Variants in TCERG1L observed in about 807,000 individuals in gnomAD.
TCERG1L encodes the protein transcription elongation regulator 1 like, also known as transcription elongation regulator 1-like protein.
In TCERG1L, 37 loss-of-function variants were observed where a neutral mutation model predicts 56.3. The observed-to-expected ratio is 0.66, with a 90% confidence interval of 0.51 to 0.87. The LOEUF is 0.87. Among genes scored for constraint, TCERG1L ranks in the 40% least tolerant of loss-of-function variants. The pLI, the probability that TCERG1L is intolerant of heterozygous loss-of-function variation, is 0.00. For missense variants in TCERG1L, 799 were observed against 774.2 expected, an observed-to-expected ratio of 1.03 and a Z score of -0.38; for synonymous variants, 324 against 326.3, an observed-to-expected ratio of 0.99 and a Z score of 0.08.
intron 8 of TCERG1L, among the ~76,000 whole-genome samples, chr10:131,120,099 C>T (rs1159219219): frequency 6.6e-6 from 1 of 152,158 alleles, no homozygotes; most frequent in African/African-American, 2.4e-5. Context: ...CTCTCTTCTC[C>T]CGGTTCTGTC....
intron 8 of TCERG1L, among the ~76,000 whole-genome samples, chr10:131,129,515 A>G (rs1845596707): frequency 6.6e-6 from 1 of 152,328 alleles, no homozygotes; most frequent in Non-Finnish European, 1.5e-5. Flanking sequence ...GCTTTTCCAT[A>G]ATAAAAAGTT....
At chr10:131,249,316 G>A (rs1846079196) in intron 4 of TCERG1L, among the ~76,000 whole-genome samples, 1 of 152,224 alleles carries the variant, frequency 6.6e-6, no homozygotes, top group Non-Finnish European at 1.5e-5. Context: ...GCTCTGGAAA[G>A]CCACCCGGCT....
rs1290918200 is a variant in TCERG1L, at chr10:131,291,461, G to C, written c.670+16750C>G. The stretch of plus-strand genomic sequence containing the variant: ...TTTTTTTTTGAGACGGAGTCTCGCT[G>C]TGTCTCCCAGGTTGGAGTGCAGTGG... On this transcript the variant is annotated intron_variant, in intron 3 of 11. Coordinates refer to ENST00000368642, the MANE Select transcript of TCERG1L (RefSeq NM_174937.4). Among the ~76,000 whole-genome samples the C allele has an allele frequency of 1.6e-4, 15 of 92,680 alleles. No homozygotes were observed. The East Asian group carries it at 2.1e-3, about 13-fold the overall frequency. 60.8% of individuals were successfully genotyped at this position (92,680 alleles called of 152,430 possible).
chr10:131,154,794 G>C (rs1327127526), intron 6 of TCERG1L, among the ~76,000 whole-genome samples: 1 of 152,230 alleles, frequency 6.6e-6, no homozygotes, highest in Non-Finnish European at 1.5e-5. Context: ...TTGAGAAGAA[G>C]GTGCAGATAT....
intron 9 of TCERG1L, among the ~76,000 whole-genome samples, chr10:131,104,682 T>C (rs1160663520): frequency 1.3e-5 from 2 of 152,152 alleles, no homozygotes; most frequent in African/African-American, 2.4e-5. Flanking sequence ...GAAATTATAT[T>C]GGTAAAAATT....
intron 11 of TCERG1L, among the ~76,000 whole-genome samples, chr10:131,097,619 T>C (rs1346178993): frequency 6.6e-6 from 1 of 152,192 alleles, no homozygotes; most frequent in African/African-American, 2.4e-5. Context: ...AGTGCTGGGA[T>C]TATAGGCGTG....
rs377491197 is a variant in TCERG1L at position 131,201,028 on chromosome 10, C to T, written c.857-34143G>A. Among the ~76,000 whole-genome samples, 13 of 152,252 alleles carry T rather than the reference C, an allele frequency of 8.5e-5. No individual in the cohort carries two copies. The East Asian group carries it at 1.4e-3, about 16-fold the overall frequency. On this transcript the variant is annotated intron_variant, in intron 4 of 11. Coordinates refer to ENST00000368642, the MANE Select transcript of TCERG1L (RefSeq NM_174937.4). ...TACAGAATCACGGCGCCATCTTGGACGTGGAGGGCAGCTTTTGTGGTCTCA... is the reference window on the plus strand; with the variant it reads ...TACAGAATCACGGCGCCATCTTGGATGTGGAGGGCAGCTTTTGTGGTCTCA...
At chr10:131,171,192 A>G (rs58228598) in intron 4 of TCERG1L, among the ~76,000 whole-genome samples, 67,897 of 146,814 alleles carry the variant, frequency 0.46, 18,843 homozygotes, top group South Asian at 0.69. Context: ...AAAAAAGAAG[A>G]AAGAAAAAAA....
intron 8 of TCERG1L, among the ~76,000 whole-genome samples, chr10:131,132,432 T>C (rs1048155906): frequency 3.3e-5 from 5 of 152,244 alleles, no homozygotes; most frequent in African/African-American, 1.2e-4. Flanking sequence ...CGTTTCAATG[T>C]TGTTGAAATG....
intron 7 of TCERG1L, among the ~76,000 whole-genome samples, chr10:131,136,558 C>G (rs573080634): frequency 6.6e-6 from 1 of 152,046 alleles, no homozygotes; most frequent in Non-Finnish European, 1.5e-5. Context: ...TACAGTGGTG[C>G]GATCTCGGCT....
At chr10:131,305,370 T>C (rs1419266248) in intron 3 of TCERG1L, among the ~76,000 whole-genome samples, 1 of 152,040 alleles carries the variant, frequency 6.6e-6, no homozygotes. Context: ...TCCAAATTCA[T>C]CCAAATTGTG....
intron 4 of TCERG1L, among the ~76,000 whole-genome samples, chr10:131,228,169 G>A (rs71478076): frequency 0.021 from 1,350 of 65,108 alleles, 1 homozygote; most frequent in Middle Eastern, 0.087. Context: ...TCTCCCCTCC[G>A]GACAGGCATT....
intron 4 of TCERG1L, among the ~76,000 whole-genome samples, chr10:131,227,421 G>A (rs1226329209): frequency 6.6e-6 from 1 of 152,236 alleles, no homozygotes; most frequent in Non-Finnish European, 1.5e-5. Flanking sequence ...GGTCTGGCTG[G>A]TTCCAGGGCA....
chr10:131,263,551 C>CCA (rs1054554063), intron 3 of TCERG1L, among the ~76,000 whole-genome samples: 1 of 152,188 alleles, frequency 6.6e-6, no homozygotes, highest in African/African-American at 2.4e-5. Flanking sequence ...CCACTATGAA[C>CCA]CACAGCCTTG....
rs575288507 is a variant in TCERG1L at position 131,219,149 on chromosome 10, C to T, written c.856+41110G>A. On this transcript the variant is annotated intron_variant, in intron 4 of 11. Coordinates refer to ENST00000368642, the MANE Select transcript of TCERG1L (RefSeq NM_174937.4). ...CCGTCCCGCAGTCATGATGGCCCTC[C>T]CTGGCCTGGCTCTGCCCATGTCTCA... 3.9e-5 allele frequency among the ~76,000 whole-genome samples: 6 copies of T among 152,306 alleles called. No homozygotes were observed. The South Asian group carries it at 1.2e-3, about 32-fold the overall frequency.
At chr10:131,119,068 G>A (rs2133392112) in intron 8 of TCERG1L, among the ~76,000 whole-genome samples, 2 of 152,278 alleles carry the variant, frequency 1.3e-5, no homozygotes, top group Middle Eastern at 6.8e-3. Context: ...ATTTGGAGAG[G>A]AGGTAAGGTG....
chr10:131,116,605 C>A (rs1042418354), intron 9 of TCERG1L, among the ~76,000 whole-genome samples, 194 bp downstream of exon 9: 9 of 152,202 alleles, frequency 5.9e-5, no homozygotes, highest in African/African-American at 2.2e-4. Context: ...GGGAGGCATC[C>A]CTCAGGCCCT....
At chr10:131,213,664 C>T (rs528253105) in intron 4 of TCERG1L, among the ~76,000 whole-genome samples, 2 of 152,320 alleles carry the variant, frequency 1.3e-5, no homozygotes, top group East Asian at 1.9e-4. Flanking sequence ...TTCCATCAGC[C>T]TCAGGTTCCA....
chr10:131,182,619 G>A (rs192960559), intron 4 of TCERG1L, among the ~76,000 whole-genome samples: 57 of 152,284 alleles, frequency 3.7e-4, no homozygotes, highest in African/African-American at 1.3e-3. Context: ...TCCCTCTGCC[G>A]TGTGGTTATG....
Sources: gnomAD v4.1 joint callset for allele counts (sites outside exome capture counted in the v4.1 genomes callset) on GRCh38, gnomAD v4.1.1 for gene constraint, MANE v1.5 for transcripts, NCBI Gene and HGNC (gene_info 2026-07-23, HGNC 2026-07-21) for gene names.